MCM4: variants seen among roughly 807,000 people sequenced by gnomAD.
The protein encoded by MCM4 is DNA replication licensing factor MCM4.
MCM4 carries 60 observed loss-of-function variants against 88.7 expected under a neutral mutation model. The ratio of observed to expected loss-of-function variants is 0.68; its 90% CI spans 0.55 to 0.84. The LOEUF is 0.84. Ranked by LOEUF, MCM4 falls within the 40% of genes least tolerant of loss-of-function variation. The probability of loss-of-function intolerance (pLI) is 0.00; values close to 1 mark genes in which losing one functional copy is unlikely to be tolerated. For synonymous variants in MCM4, 465 were observed against 410.5 expected (o/e 1.13, Z -1.61); for missense variants, 1,149 against 1,105.5 (o/e 1.04, Z -0.56).
rs112623392 is a variant in MCM4, at chr8:47,969,760, T to C, written c.1175-38T>C. 6,535 of 1,610,062 alleles carry C rather than the reference T, an allele frequency of 4.1e-3. 67 individuals are homozygous for C. Among genetic ancestry groups the C allele is most frequent in the South Asian group, 0.025 (2,283 of 90,970 alleles). ...TTGCTGAGCCACTCGGAGGAAGATA[T>C]GGGAAGGTAAAAGTGCATCTCCTGG... On this transcript the variant is annotated intron_variant, in intron 10 of 16. Coordinates refer to ENST00000649973, the MANE Select transcript of MCM4 (RefSeq NM_182746.3).
At position 47,963,000 on chromosome 8, in the gene MCM4, T is replaced by C. The variant is rs1563831122; in HGVS notation, c.653T>C (p.Phe218Ser). The change falls in exon 7 of 17, where the codon TTT becomes TCT. Residue 218 changes from phenylalanine to serine, a missense_variant. By Grantham distance (155) the Phe-to-Ser change is radical. Around this residue, in one of 3 missense-constraint regions of MCM4, gnomAD observed 906 missense variants for 843.0 expected, o/e 1.07. Transcript: ENST00000649973. The part of the protein sequence containing the change: ...LNVNCEHIKS[F>S]DKNLYRQLIS... The stretch of plus-strand genomic sequence containing the variant: ...GTGAACTGTGAACACATCAAATCAT[T>C]TGACAAAAATTTGTACAGACAACTC... The C allele has an allele frequency of 6.2e-7, 1 of 1,606,748 alleles. No individual in the cohort carries two copies. The highest frequency in any genetic ancestry group is 1.3e-5 in the African/African-American group (1 of 74,640).
chr8:47,971,416 C>A lies in MCM4; in HGVS notation c.1876C>A (p.Pro626Thr). The part of the protein sequence containing the change: ...AANPIESQWN[P>T]KKTTIENIQL... ...AAATCCCATTGAGTCTCAGTGGAAT[C>A]CTAAAAAAACAACCATTGAAAACAT... Residue 626 changes from proline to threonine, a missense_variant, in exon 13 of 17, where the codon CCT becomes ACT. By Grantham distance (38) the Pro-to-Thr change is conservative. Transcript: ENST00000649973. 5 of 1,613,940 alleles carry A rather than the reference C, an allele frequency of 3.1e-6. No individual in the cohort carries two copies. The highest frequency in any genetic ancestry group is 4.2e-6 in the Non-Finnish European group (5 of 1,179,918).
At chr8:47,975,422 T>C (rs939344891) in intron 15 of MCM4, 2 of 194,582 alleles carry the variant, frequency 1.0e-5, no homozygotes, top group Non-Finnish European at 2.1e-5. Flanking sequence ...TGTATAGTTT[T>C]AAGGAGATTC....
In MCM4 at chr8:47,962,935, T is replaced by G. The variant is rs143836714; in HGVS notation, c.598-10T>G. The G allele has an allele frequency of 3.8e-6, 6 of 1,582,414 alleles. No individual in the cohort carries two copies. The East Asian group carries it at 1.3e-4, about 35-fold the overall frequency. On this transcript the variant is annotated splice_polypyrimidine_tract_variant and intron_variant, in intron 6 of 16. Transcript: ENST00000649973. ...TAGCAAAATATAACTTGTTCATTTT[T>G]ATTTTCTAGATTAATGTTATTGGTG... is the stretch of plus-strand genomic sequence containing the variant.
chr8:47,970,598 C>T lies in MCM4; in HGVS notation c.1522C>T (p.Leu508=). 1 of 1,614,126 alleles carries T rather than the reference C, an allele frequency of 6.2e-7. No individual in the cohort carries two copies. The highest frequency in any genetic ancestry group is 8.5e-7 in the Non-Finnish European group (1 of 1,180,022). Residue 508 remains leucine (L), a synonymous_variant, in exon 12 of 17, where the codon CTG becomes TTG. Transcript: ENST00000649973. ...ATTTCGGGCTGAGATCAACATCTTGCTGTGTGGCGACCCTGGTACCAGCAA... is the reference window on the plus strand; with the variant it reads ...ATTTCGGGCTGAGATCAACATCTTGTTGTGTGGCGACCCTGGTACCAGCAA... ...GKFRAEINIL[L]CGDPGTSKSQ...
chr8:47,973,073 G>T lies in MCM4; in HGVS notation c.2136+9G>T. The T allele has an allele frequency of 6.2e-7, 1 of 1,609,968 alleles. No homozygotes were observed. Among genetic ancestry groups the T allele is most frequent in the Non-Finnish European group, 8.5e-7 (1 of 1,178,930 alleles). On this transcript the variant is annotated intron_variant, in intron 14 of 16. Coordinates refer to ENST00000649973, the MANE Select transcript of MCM4 (RefSeq NM_182746.3). ...GCCAGGCTCTCATCGAGGTAACCCT[G>T]CTGAAAAAAGGCTTACTGTGCCTGT...
intron 16 of MCM4, among the ~76,000 whole-genome samples, chr8:47,976,062 G>A (rs1039632609): frequency 6.6e-6 from 1 of 152,118 alleles, no homozygotes; most frequent in Non-Finnish European, 1.5e-5. Flanking sequence ...GGACGCTGAG[G>A]TGGGCAGATC....
rs556503441 is a variant in MCM4 at position 47,974,840 on chromosome 8, G to A, written c.2243G>A (p.Arg748Lys). The change falls in exon 15 of 17, where the codon AGA becomes AAA. Residue 748 changes from arginine (R) to lysine (K), a missense_variant. Coordinates refer to ENST00000649973, the MANE Select transcript of MCM4 (RefSeq NM_182746.3). The stretch of plus-strand genomic sequence containing the variant: ...TTAGCAGAAGCCCATGCTAAAGTAA[G>A]ATTGTCTAACAAAGTTGAAGCCATT... ...IRLAEAHAKV[R>K]LSNKVEAIDV... 1.7e-5 allele frequency: 27 copies of A among 1,614,240 alleles called. No homozygotes were observed. In the East Asian group the frequency reaches 5.3e-4, roughly 32 times the overall value.
intron 13 of MCM4, among the ~76,000 whole-genome samples, chr8:47,972,132 T>C (rs1253120713): frequency 6.7e-6 from 1 of 149,284 alleles, no homozygotes; most frequent in Non-Finnish European, 1.5e-5. Flanking sequence ...CTCGGGAGGC[T>C]GAGGAGGCAC....
chr8:47,962,503 G>A, intron 5 of MCM4, 97 bp downstream of exon 5: 1 of 1,255,278 alleles, frequency 8.0e-7, no homozygotes, highest in Non-Finnish European at 1.1e-6. Flanking sequence ...GACTAGAAGG[G>A]CCACCTGTGG....
In MCM4 at chr8:47,967,467, G is replaced by T; in HGVS notation, c.1156G>T (p.Asp386Tyr). The change falls in exon 10 of 17, where the codon GAC (aspartate) becomes TAC (tyrosine). Residue 386 changes from aspartate to tyrosine, a missense_variant. This residue lies in a region of MCM4 where 906 missense variants were observed against 843.0 expected (regional missense o/e 1.07). Transcript: ENST00000649973. ...TCTCGTTGACAAGGTCCAGCCTGGGGACAGAGTGAATGTTACAGGTAAGAG... is the reference window on the plus strand; with the variant it reads ...TCTCGTTGACAAGGTCCAGCCTGGGTACAGAGTGAATGTTACAGGTAAGAG... ...NDLVDKVQPG[D>Y]RVNVTGIYRA... The T allele has an allele frequency of 6.2e-7, 1 of 1,614,220 alleles. No individual in the cohort carries two copies. Among genetic ancestry groups the T allele is most frequent in the South Asian group, 1.1e-5 (1 of 91,078 alleles).
rs1188138872 is a variant in MCM4, at chr8:47,962,760, A to G, written c.502-4A>G. ...GCCTAATACAGTTTTCTCTCCACTT[A>G]AAGAGATTTCTTCAGCGTTTTATTG... On this transcript the variant is annotated splice_region_variant and splice_polypyrimidine_tract_variant and intron_variant, in intron 5 of 16. Transcript: ENST00000649973. 8.2e-6 allele frequency: 13 copies of G among 1,583,194 alleles called. No individual in the cohort carries two copies. The highest frequency in any genetic ancestry group is 1.0e-5 in the Non-Finnish European group (12 of 1,163,202).
chr8:47,974,709 G>C (rs1396547057), intron 14 of MCM4, 25 bp from the exon 15 acceptor site: 14 of 1,590,420 alleles, frequency 8.8e-6, no homozygotes, highest in Non-Finnish European at 1.2e-5. Flanking sequence ...GTTTGCTTTT[G>C]CTTTTGTTTT....
chr8:47,967,486 G>T lies in MCM4; in HGVS notation c.1174+1G>T. The T allele has an allele frequency of 6.2e-7, 1 of 1,614,158 alleles. No individual in the cohort carries two copies. Among genetic ancestry groups the T allele is most frequent in the Non-Finnish European group, 8.5e-7 (1 of 1,179,996 alleles). On this transcript the variant is annotated splice_donor_variant, in intron 10 of 16. Coordinates refer to ENST00000649973, the MANE Select transcript of MCM4 (RefSeq NM_182746.3). LOFTEE classifies it high-confidence loss of function. ...CCTGGGGACAGAGTGAATGTTACAG[G>T]TAAGAGTGTAGGTTTGCACCAGCAC...
At chr8:47,969,777 A>G in intron 10 of MCM4, 21 bp from the exon 11 acceptor site, 3 of 1,612,440 alleles carry the variant, frequency 1.9e-6, no homozygotes, top group Non-Finnish European at 2.5e-6. Flanking sequence ...GTAAAAGTGC[A>G]TCTCCTGGTT....
chr8:47,965,475 C>T (rs544187745), intron 8 of MCM4, among the ~76,000 whole-genome samples: 4 of 152,214 alleles, frequency 2.6e-5, no homozygotes, highest in African/African-American at 9.6e-5. Context: ...ATCTCAACAA[C>T]AACAAAATTG....
At chr8:47,968,568 C>T (rs1488370584) in intron 10 of MCM4, among the ~76,000 whole-genome samples, 7 of 151,938 alleles carry the variant, frequency 4.6e-5, no homozygotes. Flanking sequence ...AAATAAGTAT[C>T]AATGCTGCTC....
At chr8:47,975,044 A>G (rs2090989717) in intron 15 of MCM4, 82 bp downstream of exon 15, 2 of 1,115,410 alleles carry the variant, frequency 1.8e-6, no homozygotes, top group Non-Finnish European at 2.6e-6. Flanking sequence ...TTAAGCTAAC[A>G]GTTAAATCAT....
chr8:47,970,671 AC>A lies in MCM4; in HGVS notation c.1596del (p.Tyr532Ter). On this transcript the variant is annotated frameshift_variant, in exon 12 of 17. Coordinates refer to ENST00000649973, the MANE Select transcript of MCM4 (RefSeq NM_182746.3). LOFTEE classifies it high-confidence loss of function. ...YVYNLVPRGQYTSGKGSSAVG... is the reference protein window; with the variant it reads ...YVYNLVPRGQXTSGKGSSAVG... ...TACAACCTCGTCCCCAGGGGCCAGT[AC>A]ACGTCTGGGAAGGGCTCCAGTGCAG... is the stretch of plus-strand genomic sequence containing the variant. 1 of 1,614,172 alleles carries A rather than the reference AC, an allele frequency of 6.2e-7. No homozygotes were observed. The highest frequency in any genetic ancestry group is 1.3e-5 in the African/African-American group (1 of 75,030).
Sources: allele counts gnomAD v4.1 joint callset (sites outside exome capture counted in the v4.1 genomes callset), GRCh38; gene constraint gnomAD v4.1.1; regional missense constraint gnomAD v4.1.1; transcripts MANE v1.5; gene names NCBI Gene and HGNC (gene_info 2026-07-23, HGNC 2026-07-21).